The following GPHN variants were observed in gnomAD, a reference collection of about 807,000 sequenced individuals.
GPHN encodes the protein gephyrin.
GPHN carries 17 observed loss-of-function variants against 95.5 expected under a neutral mutation model. That is an observed-to-expected ratio of 0.18 (90% confidence interval 0.12 to 0.27). The LOEUF is 0.27. Among genes scored for constraint, GPHN ranks in the 10% least tolerant of loss-of-function variants. The pLI is 1.00. For missense variants in GPHN, 660 were observed against 978.1 expected (o/e 0.67, Z 4.34); for synonymous variants, 320 against 322.5 (o/e 0.99, Z 0.08).
chr14:67,329,530 G>A, the GPHN span, among the ~76,000 whole-genome samples: 1 of 152,220 alleles, frequency 6.6e-6, no homozygotes, highest in Non-Finnish European at 1.5e-5. Context: ...TAGGAGTGGT[G>A]AGAGAGGGCA....
At chr14:67,289,451 C>T in the GPHN span, among the ~76,000 whole-genome samples, 4 of 152,132 alleles carry the variant, frequency 2.6e-5, no homozygotes, top group African/African-American at 7.2e-5. Context: ...ATATAAGGGA[C>T]TTGAGCATCT....
the GPHN span, among the ~76,000 whole-genome samples, chr14:67,192,948 CTCTA>C: frequency 7.0e-6 from 1 of 143,754 alleles, no homozygotes; most frequent in African/African-American, 2.5e-5. Context: ...AGATAAATAT[CTCTA>C]TATATCTATA....
At chr14:66,681,029 A>G (rs2066905690) in intron 1 of GPHN, 78 bp from the exon 2 acceptor site, 1 of 814,608 alleles carries the variant, frequency 1.2e-6, no homozygotes, top group Admixed American at 2.0e-5. Context: ...TCATTTCAAA[A>G]TGTCTTTTGG....
chr14:67,392,774 A>G, the GPHN span: 1 of 1,613,830 alleles, frequency 6.2e-7, no homozygotes, highest in Non-Finnish European at 8.5e-7. Context: ...CTCCATGAGC[A>G]TGGAGGCCAG....
At chr14:67,277,452 G>C in the GPHN span, among the ~76,000 whole-genome samples, 1 of 152,164 alleles carries the variant, frequency 6.6e-6, no homozygotes, top group Non-Finnish European at 1.5e-5. Context: ...CAAGATGTTT[G>C]AGAAAAGATT....
intron 1 of GPHN, among the ~76,000 whole-genome samples, chr14:66,557,015 T>C (rs2060028367): frequency 1.3e-5 from 2 of 151,872 alleles, no homozygotes; most frequent in Non-Finnish European, 2.9e-5. Flanking sequence ...TTGGCCAAGA[T>C]GACAAGACCG....
the GPHN span, among the ~76,000 whole-genome samples, chr14:67,391,296 TGTGTG>T: frequency 2.0e-5 from 3 of 151,384 alleles, no homozygotes; most frequent in African/African-American, 7.3e-5. Context: ...TGTGTGTGTG[TGTGTG>T]TGTGACTTTC....
intron 8 of GPHN, among the ~76,000 whole-genome samples, chr14:66,924,493 G>A (rs994399153): frequency 6.6e-6 from 1 of 152,148 alleles, no homozygotes; most frequent in Non-Finnish European, 1.5e-5. Context: ...AAAGTACTCT[G>A]CTATCATTAA....
At chr14:66,610,297 G>A (rs1408120551) in intron 1 of GPHN, among the ~76,000 whole-genome samples, 1 of 152,080 alleles carries the variant, frequency 6.6e-6, no homozygotes, top group African/African-American at 2.4e-5. Flanking sequence ...TCGCTCTTTT[G>A]TATTTCAGCA....
chr14:67,248,674 C>A, the GPHN span, among the ~76,000 whole-genome samples: 1 of 152,104 alleles, frequency 6.6e-6, no homozygotes, highest in Non-Finnish European at 1.5e-5. Flanking sequence ...CTTCGTGGGC[C>A]ATATTGTCTC....
intron 8 of GPHN, among the ~76,000 whole-genome samples, chr14:66,939,637 T>A (rs747852719): frequency 2.1e-4 from 32 of 152,074 alleles, no homozygotes; most frequent in Admixed American, 1.3e-4. Flanking sequence ...CACCCCATCC[T>A]CCCCGTGCCA....
chr14:67,597,644 T>C, the GPHN span, among the ~76,000 whole-genome samples: 2 of 151,772 alleles, frequency 1.3e-5, no homozygotes, highest in East Asian at 3.9e-4. Context: ...TTAAGAAGAA[T>C]GGAGAGGAAT....
the GPHN span, chr14:67,562,701 AC>A: frequency 6.2e-7 from 1 of 1,612,620 alleles, no homozygotes; most frequent in East Asian, 2.2e-5. Flanking sequence ...TCAGCCCTCC[AC>A]CCCTCTGGCC....
chr14:67,169,355 T>C (rs1371647496), intron 21 of GPHN, among the ~76,000 whole-genome samples: 1 of 152,200 alleles, frequency 6.6e-6, no homozygotes, highest in East Asian at 1.9e-4. Flanking sequence ...ACACTAGACC[T>C]GTCTGGAACA....
chr14:67,234,631 CT>C, the GPHN span, among the ~76,000 whole-genome samples: 2 of 152,102 alleles, frequency 1.3e-5, no homozygotes, highest in East Asian at 3.9e-4. Context: ...CTCACTGCAA[CT>C]TCCTCCCACT....
chr14:67,240,736 C>G, the GPHN span, among the ~76,000 whole-genome samples: 1 of 152,236 alleles, frequency 6.6e-6, no homozygotes, highest in Non-Finnish European at 1.5e-5. Context: ...GCCAGCCATG[C>G]CCGGAGCACG....
chr14:67,569,286 A>G, the GPHN span: 1 of 1,128,052 alleles, frequency 8.9e-7, no homozygotes, highest in Non-Finnish European at 1.3e-6. Flanking sequence ...GGGGAGGAGA[A>G]GACTCCAAGC....
chr14:67,485,744 C>G, the GPHN span, among the ~76,000 whole-genome samples: 2 of 152,330 alleles, frequency 1.3e-5, no homozygotes, highest in African/African-American at 4.8e-5. Flanking sequence ...AAGCCAGGGG[C>G]TGAGGCTGGA....
chr14:66,557,237 G>GCAGA (rs1555342945), intron 1 of GPHN, among the ~76,000 whole-genome samples: 1 of 141,892 alleles, frequency 7.0e-6, no homozygotes, highest in South Asian at 2.3e-4. Flanking sequence ...ACATAGGTAG[G>GCAGA]TAGATAGATA....
Sources: gnomAD v4.1 joint callset for allele counts (sites outside exome capture counted in the v4.1 genomes callset) on GRCh38, gnomAD v4.1.1 for gene constraint, MANE v1.5 for transcripts, NCBI Gene and HGNC (gene_info 2026-07-23, HGNC 2026-07-21) for gene names.